The following ANK2 variants were observed in gnomAD, a reference collection of about 807,000 sequenced individuals.
ANK2 encodes the protein ankyrin-2.
Under a neutral mutation model 360.5 loss-of-function variants are expected in ANK2, and 83 were observed. The observed-to-expected ratio is 0.23, with a 90% CI of 0.19 to 0.28. ANK2 has a LOEUF of 0.28. Among genes scored for constraint, ANK2 ranks in the 10% least tolerant of loss-of-function variants. The pLI is 1.00. For synonymous variants in ANK2, 1,740 were observed against 1,759.5 expected (o/e 0.99, Z 0.28); for missense variants, 4,201 against 4,795.7 (o/e 0.88, Z 3.66).
intron 1 of ANK2, among the ~76,000 whole-genome samples, chr4:113,166,850 G>A (rs1039923942): frequency 1.3e-5 from 2 of 152,060 alleles, no homozygotes; most frequent in African/African-American, 4.8e-5. Context: ...GAACAGGGGA[G>A]TAATGCTATT....
chr4:113,257,949 T>C (rs2050409661), intron 11 of ANK2, 101 bp from the exon 12 acceptor site: 1 of 1,125,282 alleles, frequency 8.9e-7, no homozygotes, highest in Non-Finnish European at 1.3e-6. Context: ...AATGGTAACA[T>C]TATGTGACGA....
upstream of ANK2, among the ~76,000 whole-genome samples, chr4:113,048,419 A>G (rs929600582): frequency 1.6e-5 from 2 of 128,872 alleles, no homozygotes; most frequent in Non-Finnish European, 3.2e-5. Context: ...CAGCCTCCCC[A>G]CACCTGGCTA....
Position 113,022,866 on chromosome 4 carries a change from A to G in ANK2, c.21+118352A>G, listed in dbSNP as rs76908860. Among the ~76,000 whole-genome samples, 1,259 of 152,348 alleles carry G rather than the reference A, an allele frequency of 8.3e-3. 20 individuals carry two copies. The highest frequency in any genetic ancestry group is 0.029 in the African/African-American group (1,206 of 41,568). On this transcript the variant is annotated intron_variant, in intron 2 of 30. Transcript: ENST00000503271. ...TTAGCATAATCAATACAATGAAGTT[A>G]CAGCAAAAGGGGAGATGTCTCTATT...
intron 1 of ANK2, among the ~76,000 whole-genome samples, chr4:112,858,591 G>C (rs923312893): frequency 4.6e-5 from 7 of 152,180 alleles, no homozygotes; most frequent in Non-Finnish European, 8.8e-5. Context: ...GGAGGATTCT[G>C]TTCTTCGCAT....
intron 26 of ANK2, among the ~76,000 whole-genome samples, chr4:113,329,490 A>G (rs1365094645): frequency 6.6e-6 from 1 of 152,212 alleles, no homozygotes; most frequent in Non-Finnish European, 1.5e-5. Flanking sequence ...TTTGAGAAAA[A>G]TCATGATACA....
In ANK2 at chr4:113,382,452, G is replaced by C. The variant is rs1419194783; in HGVS notation, c.*981G>C. ...CTTTAGATCTTGGACAAGTTGGCAG[G>C]GTATTTTAAAAGCTATAACTACTGT... is the stretch of plus-strand genomic sequence containing the variant. On this transcript the variant is annotated 3_prime_UTR_variant, in exon 46 of 46. Transcript: ENST00000357077. 3 of 152,598 alleles carry C rather than the reference G, an allele frequency of 2.0e-5. No individual in the cohort carries two copies. The highest frequency in any genetic ancestry group is 4.4e-5 in the Non-Finnish European group (3 of 68,070). 9.5% of individuals were successfully genotyped at this position (152,598 alleles called of 1,614,324 possible). A position where few individuals can be genotyped will look rare whatever the true frequency, so the allele number is the denominator to read the frequency against.
chr4:112,889,093 A>T lies in ANK2; in HGVS notation c.-39-15362A>T, dbSNP rs187728189. Among the ~76,000 whole-genome samples, 240 of 152,328 alleles carry T rather than the reference A, an allele frequency of 1.6e-3. 1 individual carries two copies. Among genetic ancestry groups the T allele is most frequent in the African/African-American group, 5.6e-3 (231 of 41,578 alleles). On this transcript the variant is annotated intron_variant, in intron 1 of 30. Transcript: ENST00000503271. ...AATTTCTAGTTTCTCTATAAATGACACATTTCTCCTTAAAAATCTCAATTT... is the reference window on the plus strand; with the variant it reads ...AATTTCTAGTTTCTCTATAAATGACTCATTTCTCCTTAAAAATCTCAATTT...
the ANK2 span, among the ~76,000 whole-genome samples, chr4:112,742,118 A>C: frequency 6.6e-6 from 1 of 151,842 alleles, no homozygotes; most frequent in South Asian, 2.1e-4. Context: ...TTTGCAGCCA[A>C]ATTTTAAAAA....
the ANK2 span, among the ~76,000 whole-genome samples, chr4:112,755,166 G>T: frequency 6.6e-6 from 1 of 152,176 alleles, no homozygotes; most frequent in South Asian, 2.1e-4. Context: ...ATTTATTAAA[G>T]AAACTGGATT....
intron 1 of ANK2, among the ~76,000 whole-genome samples, chr4:112,904,221 A>G (rs1358554581): frequency 1.3e-5 from 2 of 152,182 alleles, no homozygotes; most frequent in African/African-American, 4.8e-5. Flanking sequence ...CTTACAGATT[A>G]ATAGGCTATT....
At chr4:112,716,778 G>A in the ANK2 span, among the ~76,000 whole-genome samples, 104 of 152,084 alleles carry the variant, frequency 6.8e-4, no homozygotes, top group Non-Finnish European at 1.3e-3. Flanking sequence ...TTTAATTGAA[G>A]AAGTTATACA....
chr4:112,810,849 C>G, the ANK2 span, among the ~76,000 whole-genome samples: 1 of 151,958 alleles, frequency 6.6e-6, no homozygotes, highest in Non-Finnish European at 1.5e-5. Context: ...CCACGCACAG[C>G]CCCTTCCCGC....
chr4:112,944,369 T>C (rs2094428222), intron 2 of ANK2, among the ~76,000 whole-genome samples: 1 of 152,248 alleles, frequency 6.6e-6, no homozygotes, highest in African/African-American at 2.4e-5. Context: ...CACAATATTT[T>C]CTTTAACTTG....
At chr4:113,142,512 A>G (rs2154385469) in intron 1 of ANK2, among the ~76,000 whole-genome samples, 1 of 152,250 alleles carries the variant, frequency 6.6e-6, no homozygotes, top group African/African-American at 2.4e-5. Flanking sequence ...TTCAGCCAGA[A>G]AATAGGAAAT....
At chr4:113,210,614 A>C (rs1485512034) in intron 4 of ANK2, among the ~76,000 whole-genome samples, 1 of 152,162 alleles carries the variant, frequency 6.6e-6, no homozygotes, top group African/African-American at 2.4e-5. Flanking sequence ...GTTATCTCCC[A>C]TTTCTGTGCT....
intron 45 of ANK2, chr4:113,378,223 T>C (rs1303229762): frequency 1.9e-6 from 2 of 1,026,812 alleles, no homozygotes; most frequent in Admixed American, 5.8e-5. Context: ...ACTAACACCA[T>C]AAAAATTTTT....
At chr4:113,350,979 G>A (rs1209317882) in intron 37 of ANK2, among the ~76,000 whole-genome samples, 3 of 152,104 alleles carry the variant, frequency 2.0e-5, no homozygotes, top group Non-Finnish European at 2.9e-5. Flanking sequence ...CTAGTAGAGA[G>A]AGAACTGGTT....
intron 2 of ANK2, among the ~76,000 whole-genome samples, chr4:113,039,489 T>C (rs1040233991): frequency 2.0e-5 from 3 of 151,996 alleles, no homozygotes; most frequent in African/African-American, 7.2e-5. Flanking sequence ...TTGTAATGCC[T>C]GAAACATCTG....
chr4:113,069,584 T>C (rs1179277642), intron 1 of ANK2, among the ~76,000 whole-genome samples: 1 of 152,194 alleles, frequency 6.6e-6, no homozygotes, highest in African/African-American at 2.4e-5. Flanking sequence ...AAATGGAGTA[T>C]TTTGCTACCA....
Sources: allele counts gnomAD v4.1 joint callset (sites outside exome capture counted in the v4.1 genomes callset), GRCh38; gene constraint gnomAD v4.1.1; transcripts MANE v1.5; gene names NCBI Gene and HGNC (gene_info 2026-07-23, HGNC 2026-07-21).